SH3TC2: variants seen among roughly 807,000 people sequenced by gnomAD.
The protein encoded by SH3TC2 is SH3 domain and tetratricopeptide repeat-containing protein 2.
SH3TC2 carries 87 observed loss-of-function variants against 124.5 expected under a neutral mutation model. That is an observed-to-expected ratio of 0.70 (90% CI 0.59 to 0.84). The LOEUF (loss-of-function observed/expected upper bound fraction) is 0.84, where lower values mean the gene tolerates loss of function less well. Among genes scored for constraint, SH3TC2 ranks in the 40% least tolerant of loss-of-function variants. The probability of loss-of-function intolerance (pLI) is 0.00; values close to 1 mark genes in which losing one functional copy is unlikely to be tolerated. For synonymous variants in SH3TC2, 634 were observed against 628.5 expected (o/e 1.01, Z -0.13); for missense variants, 1,536 against 1,566.4 (o/e 0.98, Z 0.33).
At chr5:149,016,755 C>T (rs966105854) in intron 12 of SH3TC2, among the ~76,000 whole-genome samples, 4 of 151,914 alleles carry the variant, frequency 2.6e-5, no homozygotes, top group African/African-American at 9.7e-5. Context: ...GAAACCCCGT[C>T]TCTACTAAAA....
chr5:149,024,358 C>T (rs1225303665), intron 12 of SH3TC2, among the ~76,000 whole-genome samples: 1 of 152,192 alleles, frequency 6.6e-6, no homozygotes, highest in Non-Finnish European at 1.5e-5. Context: ...ATAATGTCTG[C>T]CCACAAGACC....
rs1753491733 is a variant in SH3TC2, at chr5:148,995,333, G to A, written c.*9378C>T. On this transcript the variant is annotated 3_prime_UTR_variant, in exon 17 of 17. Transcript: ENST00000515425. The stretch of plus-strand genomic sequence containing the variant: ...TCTATCACCTGAAAAGGGGAGATAA[G>A]GTCACCTTCTTTGGAGGATCATTTG... 6.6e-6 allele frequency among the ~76,000 whole-genome samples: 1 copy of A among 152,132 alleles called. No individual in the cohort carries two copies. Among genetic ancestry groups the A allele is most frequent in the Admixed American group, 6.5e-5 (1 of 15,278 alleles).
intron 12 of SH3TC2, among the ~76,000 whole-genome samples, chr5:149,024,751 C>T (rs566476222): frequency 9.2e-5 from 14 of 152,284 alleles, no homozygotes; most frequent in African/African-American, 3.4e-4. Flanking sequence ...GTAGACCCAC[C>T]CCTGACCTCC....
chr5:148,989,269 A>G lies in SH3TC2; in HGVS notation c.*15442T>C, dbSNP rs1561750058. On this transcript the variant is annotated 3_prime_UTR_variant, in exon 17 of 17. Coordinates refer to ENST00000515425, the MANE Select transcript of SH3TC2 (RefSeq NM_024577.4). ...CATGCTAACTGCTTTAGACATATTA[A>G]TTCATTAATTTTACAATAACTTTGC... Among the ~76,000 whole-genome samples, 1 of 152,224 alleles carries G rather than the reference A, an allele frequency of 6.6e-6. No individual in the cohort carries two copies. Among genetic ancestry groups the G allele is most frequent in the Non-Finnish European group, 1.5e-5 (1 of 68,050 alleles).
intron 15 of SH3TC2, 74 bp downstream of exon 15, chr5:149,008,777 T>C: frequency 6.3e-7 from 1 of 1,596,536 alleles, no homozygotes; most frequent in Non-Finnish European, 8.6e-7. Context: ...GGGCCTGCGG[T>C]GTTATTGCTT....
intron 5 of SH3TC2, 54 bp from the exon 6 acceptor site, chr5:149,041,671 C>G (rs548655663): frequency 1.3e-5 from 21 of 1,571,998 alleles, no homozygotes; most frequent in Middle Eastern, 1.8e-4. Flanking sequence ...GAAGTGAAAA[C>G]GGATTATCAC....
chr5:149,043,685 C>T (rs901812971), intron 4 of SH3TC2: 4 of 149,430 alleles, frequency 2.7e-5, no homozygotes, highest in South Asian at 4.2e-4. Context: ...GTGCTGCCAA[C>T]GAGCCGGTCT....
intron 1 of SH3TC2, among the ~76,000 whole-genome samples, chr5:149,055,119 A>G (rs1580918944): frequency 6.6e-6 from 1 of 152,196 alleles, no homozygotes; most frequent in Non-Finnish European, 1.5e-5. Flanking sequence ...GTTGACAGTG[A>G]TTTCCTAAAC....
At chr5:149,029,756 C>T (rs927152958) in intron 9 of SH3TC2, among the ~76,000 whole-genome samples, 4 of 152,152 alleles carry the variant, frequency 2.6e-5, no homozygotes, top group African/African-American at 9.7e-5. Flanking sequence ...ACCAAGAAGA[C>T]ACCTTGGGTT....
At position 149,038,074 on chromosome 5, in the gene SH3TC2, T is replaced by G. The variant is rs560187922; in HGVS notation, c.1001+221A>C. Reference sequence around the variant, plus strand: ...TGTCTTGGAGTTTTGCTTCCCTCCTTGCACAGAGGAAGTCCTCAGTGACCA... The same window carrying G: ...TGTCTTGGAGTTTTGCTTCCCTCCTGGCACAGAGGAAGTCCTCAGTGACCA... On this transcript the variant is annotated intron_variant, in intron 8 of 16. Transcript: ENST00000515425. 4.6e-5 allele frequency among the ~76,000 whole-genome samples: 7 copies of G among 152,298 alleles called. No individual in the cohort carries two copies. In the South Asian group the frequency reaches 1.4e-3, roughly 32 times the overall value.
chr5:149,035,758 A>G (rs1754273711), intron 8 of SH3TC2: 1 of 152,188 alleles, frequency 6.6e-6, no homozygotes, highest in Admixed American at 6.5e-5. Context: ...AGTCCACCTC[A>G]CACAGCACAG....
chr5:149,047,848 T>C lies in SH3TC2; in HGVS notation c.279+14A>G, dbSNP rs1364930775. 6.2e-7 allele frequency: 1 copy of C among 1,613,870 alleles called. No homozygotes were observed. Among genetic ancestry groups the C allele is most frequent in the African/African-American group, 1.3e-5 (1 of 75,022 alleles). On this transcript the variant is annotated intron_variant, in intron 3 of 16. Transcript: ENST00000515425. ...AGTCAGTACTCAGCATTCACCTGTTTCCTTCATGCTCACCTTAAACAGCAT... is the reference window on the plus strand; with the variant it reads ...AGTCAGTACTCAGCATTCACCTGTTCCCTTCATGCTCACCTTAAACAGCAT...
chr5:149,052,242 TGGA>T lies in SH3TC2; in HGVS notation c.53-5_53-3del, dbSNP rs1209911948. On this transcript the variant is annotated splice_region_variant and splice_polypyrimidine_tract_variant and intron_variant, in intron 1 of 16. Coordinates refer to ENST00000515425, the MANE Select transcript of SH3TC2 (RefSeq NM_024577.4). ...GATCCTTGGAAGGAGTTTCTTTACCTGGAGAAGATGAAATAAAAGGTCATCTTA... is the reference window on the plus strand; with the variant it reads ...GATCCTTGGAAGGAGTTTCTTTACCTGAAGATGAAATAAAAGGTCATCTTA... 4.4e-6 allele frequency: 7 copies of T among 1,595,104 alleles called. No homozygotes were observed. The highest frequency in any genetic ancestry group is 6.0e-6 in the Non-Finnish European group (7 of 1,162,826).
Position 148,989,027 on chromosome 5 carries a change from A to T in SH3TC2, c.*15684T>A, listed in dbSNP as rs759145785. On this transcript the variant is annotated 3_prime_UTR_variant, in exon 17 of 17. Coordinates refer to ENST00000515425, the MANE Select transcript of SH3TC2 (RefSeq NM_024577.4). ...ATAAAAAAACAACCACCAACCACAC[A>T]CTCATATAACACACACAACACACAC... Among the ~76,000 whole-genome samples the T allele has an allele frequency of 1.3e-5, 2 of 152,068 alleles. No homozygotes were observed. Among genetic ancestry groups the T allele is most frequent in the Non-Finnish European group, 2.9e-5 (2 of 67,986 alleles).
rs886060194 is a variant in SH3TC2 at position 149,004,625 on chromosome 5, G to A, written c.*86C>T. 23 of 1,454,892 alleles carry A rather than the reference G, an allele frequency of 1.6e-5. No homozygotes were observed. The highest frequency in any genetic ancestry group is 6.0e-5 in the Admixed American group (3 of 49,862). 90.1% of individuals were successfully genotyped at this position (1,454,892 alleles called of 1,614,324 possible). A position where few individuals can be genotyped will look rare whatever the true frequency, so the allele number is the denominator to read the frequency against. ...AGGGGGCTAGGCCAGGTAAGGACTC[G>A]GACCCTCCCAATGAGTATTTAAGAG... On this transcript the variant is annotated 3_prime_UTR_variant, in exon 17 of 17. Transcript: ENST00000515425.
chr5:149,015,341 C>T (rs1018163625), intron 12 of SH3TC2, among the ~76,000 whole-genome samples: 1 of 152,210 alleles, frequency 6.6e-6, no homozygotes, highest in Admixed American at 6.5e-5. Context: ...ACCACTCACC[C>T]CCATTACTTT....
chr5:149,012,799 AG>A (rs1753806817), intron 12 of SH3TC2, 65 bp from the exon 13 acceptor site: 1 of 1,576,344 alleles, frequency 6.3e-7, no homozygotes, highest in Admixed American at 1.7e-5. Flanking sequence ...CACTCAGCAC[AG>A]GATGAAACAG....
chr5:148,992,916 T>C lies in SH3TC2; in HGVS notation c.*11795A>G, dbSNP rs1310545163. Among the ~76,000 whole-genome samples the C allele has an allele frequency of 6.6e-6, 1 of 152,242 alleles. No homozygotes were observed. Among genetic ancestry groups the C allele is most frequent in the Non-Finnish European group, 1.5e-5 (1 of 68,046 alleles). On this transcript the variant is annotated 3_prime_UTR_variant, in exon 17 of 17. Coordinates refer to ENST00000515425, the MANE Select transcript of SH3TC2 (RefSeq NM_024577.4). The stretch of plus-strand genomic sequence containing the variant: ...AATCATCATGCTTCACATATATCAT[T>C]GACTTTAACTTTGGTCCTCTGTATC...
rs141091803 is a variant in SH3TC2, at chr5:149,026,715, G to A, written c.2910C>T (p.Tyr970=). The part of the protein sequence containing the change: ...LQATKSLCHF[Y]SSVSPNPEAC... ...CCTCAGGGTTTGGGGACACAGAGCT[G>A]TAGAAATGGCAGAGGGATTTGGTGG... is the stretch of plus-strand genomic sequence containing the variant. Residue 970 remains tyrosine (Y), a synonymous_variant, in exon 12 of 17, where the codon TAC becomes TAT. Coordinates refer to ENST00000515425, the MANE Select transcript of SH3TC2 (RefSeq NM_024577.4). The A allele has an allele frequency of 8.1e-6, 13 of 1,614,064 alleles. No individual in the cohort carries two copies. Among genetic ancestry groups the A allele is most frequent in the East Asian group, 2.2e-5 (1 of 44,894 alleles).
Sources: gnomAD v4.1 joint callset for allele counts (sites outside exome capture counted in the v4.1 genomes callset) on GRCh38, gnomAD v4.1.1 for gene constraint, MANE v1.5 for transcripts, NCBI Gene and HGNC (gene_info 2026-07-23, HGNC 2026-07-21) for gene names.